Variants in ABI1 observed in about 807,000 individuals in gnomAD.
The protein encoded by ABI1 is abl interactor 1.
In ABI1, 14 loss-of-function variants were observed where a neutral mutation model predicts 54.6. The ratio of observed to expected loss-of-function variants is 0.26; its 90% CI spans 0.17 to 0.40. The LOEUF (loss-of-function observed/expected upper bound fraction) is 0.40. Among genes scored for constraint, ABI1 ranks in the 10% least tolerant of loss-of-function variants. The pLI, the probability that ABI1 is intolerant of heterozygous loss-of-function variation, is 1.00. For missense variants in ABI1, 443 were observed against 598.3 expected (o/e 0.74, Z 2.71); for synonymous variants, 194 against 209.3 (o/e 0.93, Z 0.63).
At chr10:26,753,344 C>T (rs1039962811) in intron 9 of ABI1, among the ~76,000 whole-genome samples, 11 of 152,150 alleles carry the variant, frequency 7.2e-5, no homozygotes, top group Admixed American at 4.6e-4. Context: ...GGTACAGACC[C>T]CTCCTGACAT....
chr10:26,851,155 T>G (rs571322390), intron 1 of ABI1, among the ~76,000 whole-genome samples: 2 of 152,088 alleles, frequency 1.3e-5, no homozygotes, highest in South Asian at 2.1e-4. Flanking sequence ...TAGAACAGGT[T>G]AAAGAGTGAA....
intron 1 of ABI1, among the ~76,000 whole-genome samples, chr10:26,838,701 A>T (rs2049271282): frequency 1.3e-5 from 2 of 152,208 alleles, no homozygotes; most frequent in African/African-American, 4.8e-5. Flanking sequence ...AAAAAAGGAG[A>T]CAAGGATTCT....
At chr10:26,805,479 T>C (rs550658705) in intron 2 of ABI1, among the ~76,000 whole-genome samples, 4 of 151,884 alleles carry the variant, frequency 2.6e-5, no homozygotes, top group Admixed American at 2.0e-4. Context: ...TCCGTTGTCA[T>C]ATTTTAGGAC....
At chr10:26,766,042 G>C (rs1024565141) in intron 6 of ABI1, among the ~76,000 whole-genome samples, 5 of 152,144 alleles carry the variant, frequency 3.3e-5, no homozygotes, top group African/African-American at 4.8e-5. Flanking sequence ...CAACAAAAGA[G>C]AAAGTACAAA....
chr10:26,817,184 G>A (rs748257264), intron 2 of ABI1, among the ~76,000 whole-genome samples: 15 of 152,044 alleles, frequency 9.9e-5, no homozygotes, highest in Non-Finnish European at 1.0e-4. Context: ...ATTTTTAGTA[G>A]AGACGGGGTT....
At chr10:26,814,634 T>C (rs1376924673) in intron 2 of ABI1, among the ~76,000 whole-genome samples, 1 of 152,168 alleles carries the variant, frequency 6.6e-6, no homozygotes, top group Admixed American at 6.5e-5. Flanking sequence ...TTTAAAAATT[T>C]ACAAAATAAG....
rs116083917 is a variant in ABI1 at position 26,842,312 on chromosome 10, G to T, written c.117+18435C>A. Among the ~76,000 whole-genome samples the T allele has an allele frequency of 6.7e-3, 1,027 of 152,264 alleles. 15 individuals carry two copies. Among genetic ancestry groups the T allele is most frequent in the African/African-American group, 0.023 (963 of 41,530 alleles). On this transcript the variant is annotated intron_variant, in intron 1 of 10. Transcript: ENST00000376140. ...TTATTGAATTATATGAGTTCTTCAT[G>T]AATTTTAGATATTAATCCCTTATCA...
intron 1 of ABI1, among the ~76,000 whole-genome samples, chr10:26,830,075 G>A (rs1332261418): frequency 2.0e-5 from 3 of 152,130 alleles, no homozygotes; most frequent in African/African-American, 7.2e-5. Flanking sequence ...TTCTGTATCT[G>A]GCTTCTTCCA....
intron 6 of ABI1, among the ~76,000 whole-genome samples, chr10:26,767,906 C>T (rs559107593): frequency 7.5e-4 from 114 of 151,898 alleles, no homozygotes; most frequent in African/African-American, 2.3e-3. Context: ...ATTAGCCAGG[C>T]GTGGTGGCAT....
chr10:26,853,631 C>T (rs11015343), intron 1 of ABI1, among the ~76,000 whole-genome samples: 21,278 of 151,270 alleles, frequency 0.14, 1,883 homozygotes, highest in African/African-American at 0.25. Context: ...GCTCCGCCTC[C>T]GGGTTCACGC....
chr10:26,771,853 C>T (rs552122947), intron 3 of ABI1, among the ~76,000 whole-genome samples: 2 of 152,042 alleles, frequency 1.3e-5, no homozygotes, highest in Non-Finnish European at 2.9e-5. Flanking sequence ...CTAAAGGCTA[C>T]TTCTATTAAA....
intron 2 of ABI1, among the ~76,000 whole-genome samples, chr10:26,800,628 A>C (rs918257376): frequency 1.1e-4 from 17 of 152,130 alleles, no homozygotes; most frequent in Non-Finnish European, 2.4e-4. Context: ...TAAAACAAAA[A>C]AATAAGGCAG....
chr10:26,842,700 A>G (rs1228738070), intron 1 of ABI1, among the ~76,000 whole-genome samples: 1 of 152,214 alleles, frequency 6.6e-6, no homozygotes, highest in Non-Finnish European at 1.5e-5. Flanking sequence ...TATAATATAA[A>G]AGATAAAGGC....
chr10:26,847,168 T>C, intron 1 of ABI1, among the ~76,000 whole-genome samples: 1 of 152,228 alleles, frequency 6.6e-6, no homozygotes, highest in East Asian at 1.9e-4. Flanking sequence ...CATATAATTA[T>C]AAATATATTT....
At chr10:26,800,314 G>A (rs1356231397) in intron 2 of ABI1, among the ~76,000 whole-genome samples, 1 of 152,186 alleles carries the variant, frequency 6.6e-6, no homozygotes, top group Non-Finnish European at 1.5e-5. Context: ...GAACCCTGGA[G>A]GCAGAGGTTG....
At chr10:26,757,564 T>C (rs534428969) in intron 8 of ABI1, among the ~76,000 whole-genome samples, 1 of 152,286 alleles carries the variant, frequency 6.6e-6, no homozygotes, top group South Asian at 2.1e-4. Context: ...ATCTGGAATA[T>C]TTAGACAGAC....
intron 2 of ABI1, among the ~76,000 whole-genome samples, chr10:26,821,199 C>G (rs1485577548): frequency 7.1e-6 from 1 of 140,786 alleles, no homozygotes; most frequent in African/African-American, 2.7e-5. Flanking sequence ...GAGCCGAGAT[C>G]ATGCCACTGC....
intron 1 of ABI1, among the ~76,000 whole-genome samples, chr10:26,851,738 A>G (rs914718921): frequency 9.9e-5 from 15 of 152,112 alleles, no homozygotes; most frequent in African/African-American, 3.6e-4. Flanking sequence ...TTCCATTATA[A>G]AAAGGAGTAG....
chr10:26,774,794 G>A (rs1841176576), intron 3 of ABI1, among the ~76,000 whole-genome samples: 1 of 151,792 alleles, frequency 6.6e-6, no homozygotes, highest in South Asian at 2.1e-4. Context: ...ATGAAGCCTA[G>A]TAGCGATAAG....
Sources: gnomAD v4.1 joint callset for allele counts (sites outside exome capture counted in the v4.1 genomes callset) on GRCh38, gnomAD v4.1.1 for gene constraint, MANE v1.5 for transcripts, NCBI Gene and HGNC (gene_info 2026-07-23, HGNC 2026-07-21) for gene names.